ARID4B: variants seen among roughly 807,000 people sequenced by gnomAD.
The protein encoded by ARID4B is AT-rich interactive domain-containing protein 4B.
A neutral mutation model predicts 147.5 loss-of-function variants in ARID4B; 26 were observed. The ratio of observed to expected loss-of-function variants is 0.18; its 90% CI spans 0.13 to 0.24. The LOEUF is 0.24. ARID4B is among the 10% of genes least tolerant of loss of function. The pLI is 1.00. For missense variants in ARID4B, 1,179 were observed against 1,511.5 expected, an observed-to-expected ratio of 0.78 and a Z score of 3.65; for synonymous variants, 512 against 507.9, an observed-to-expected ratio of 1.01 and a Z score of -0.11.
chr1:235,201,150 A>T (rs1294388840), intron 17 of ARID4B, among the ~76,000 whole-genome samples: 7 of 152,274 alleles, frequency 4.6e-5, no homozygotes, highest in African/African-American at 1.7e-4. Context: ...GTCTCCAAAA[A>T]AAATAAAATA....
intron 6 of ARID4B, among the ~76,000 whole-genome samples, chr1:235,251,458 T>C (rs1450950858): frequency 6.6e-6 from 1 of 152,000 alleles, no homozygotes; most frequent in African/African-American, 2.4e-5. Flanking sequence ...ACTAAAGGGA[T>C]AGGCTGGAAT....
chr1:235,267,822 T>A (rs1670709790), intron 2 of ARID4B, among the ~76,000 whole-genome samples: 2 of 151,746 alleles, frequency 1.3e-5, no homozygotes, highest in Admixed American at 6.6e-5. Flanking sequence ...GAGAATGGCA[T>A]GAACCTGGGA....
Position 235,223,382 on chromosome 1 carries a change from T to C in ARID4B, c.971-122A>G, listed in dbSNP as rs12404169. 232 of 214,100 alleles carry C rather than the reference T, an allele frequency of 1.1e-3. 6 individuals carry two copies. Among genetic ancestry groups the C allele is most frequent in the African/African-American group, 4.8e-3 (183 of 38,224 alleles). 13.3% of individuals were successfully genotyped at this position (214,100 alleles called of 1,614,324 possible). On this transcript the variant is annotated intron_variant, in intron 12 of 23. Transcript: ENST00000264183. ...ATATATATACACGTATATATATATA[T>C]ACACGTATATATATGTGTGTGTATA... is the stretch of plus-strand genomic sequence containing the variant.
intron 8 of ARID4B, 54 bp downstream of exon 8, chr1:235,240,259 C>A: frequency 6.7e-7 from 1 of 1,490,126 alleles, no homozygotes; most frequent in South Asian, 1.3e-5. Context: ...AAATTGTTTT[C>A]TTCATAAACT....
chr1:235,228,966 T>C (rs925574104), intron 11 of ARID4B: 3 of 348,018 alleles, frequency 8.6e-6, no homozygotes, highest in African/African-American at 2.2e-5. Flanking sequence ...TTCTTAATCA[T>C]CTCATTAAAA....
chr1:235,314,242 TA>T (rs368910387), intron 2 of ARID4B, among the ~76,000 whole-genome samples: 8 of 151,114 alleles, frequency 5.3e-5, no homozygotes, highest in African/African-American at 1.9e-4. Context: ...TCAGCTTATT[TA>T]AAAAAAAACA....
intron 21 of ARID4B, chr1:235,177,052 A>G (rs1663937668): frequency 1.2e-5 from 5 of 424,366 alleles, no homozygotes; most frequent in Non-Finnish European, 1.9e-5. Context: ...TACTTAGCAA[A>G]AAGTATTGTT....
chr1:235,247,122 A>AT (rs1370961214), intron 6 of ARID4B, among the ~76,000 whole-genome samples: 1 of 152,042 alleles, frequency 6.6e-6, no homozygotes, highest in East Asian at 1.9e-4. Flanking sequence ...TTTTCTTAAG[A>AT]TTTTCCACAG....
At chr1:235,263,803 C>A (rs903249104) in intron 2 of ARID4B, among the ~76,000 whole-genome samples, 1 of 151,036 alleles carries the variant, frequency 6.6e-6, no homozygotes, top group Non-Finnish European at 1.5e-5. Flanking sequence ...CTGGCTAACA[C>A]GGTGAAACCC....
intron 6 of ARID4B, among the ~76,000 whole-genome samples, chr1:235,249,153 C>T (rs567510055): frequency 4.0e-5 from 6 of 151,378 alleles, no homozygotes; most frequent in Non-Finnish European, 5.9e-5. Context: ...GCCAACATGG[C>T]GAAACCCCAT....
chr1:235,284,762 C>T (rs1417984947), intron 2 of ARID4B, among the ~76,000 whole-genome samples: 2 of 152,140 alleles, frequency 1.3e-5, no homozygotes, highest in Non-Finnish European at 2.9e-5. Flanking sequence ...GACATGGTGG[C>T]TCATGCCTAT....
intron 8 of ARID4B, among the ~76,000 whole-genome samples, chr1:235,236,833 A>AAAAAATATATATATAT (rs1175189621): frequency 1.5e-4 from 5 of 33,518 alleles, no homozygotes; most frequent in Admixed American, 5.3e-4. Flanking sequence ...TTTTATAAAA[A>AAAAAATATATATATAT]ATATATATAT....
chr1:235,171,662 A>G (rs1229622980), intron 23 of ARID4B, among the ~76,000 whole-genome samples: 1 of 151,076 alleles, frequency 6.6e-6, no homozygotes, highest in African/African-American at 2.4e-5. Flanking sequence ...TTTTTGAGAC[A>G]GAGTTTAGCT....
At chr1:235,193,939 T>C (rs1352814964) in intron 19 of ARID4B, 74 bp downstream of exon 19, 6 of 1,166,962 alleles carry the variant, frequency 5.1e-6, no homozygotes, top group South Asian at 1.5e-5. Flanking sequence ...GTAATGTCAC[T>C]GAATTACCTT....
At chr1:235,313,699 C>T (rs927627767) in intron 2 of ARID4B, among the ~76,000 whole-genome samples, 1 of 152,132 alleles carries the variant, frequency 6.6e-6, no homozygotes, top group African/African-American at 2.4e-5. Context: ...TTACTTTTCC[C>T]TTACAAGGAA....
At chr1:235,282,299 C>T (rs1265455340) in intron 2 of ARID4B, among the ~76,000 whole-genome samples, 1 of 152,166 alleles carries the variant, frequency 6.6e-6, no homozygotes, top group African/African-American at 2.4e-5. Context: ...TTGAGAAATG[C>T]ATTGATTTTA....
intron 19 of ARID4B, among the ~76,000 whole-genome samples, chr1:235,190,893 T>C (rs1241615000): frequency 1.3e-5 from 2 of 152,216 alleles, no homozygotes; most frequent in Non-Finnish European, 1.5e-5. Context: ...CAGTCCAGAC[T>C]ACAGCAGTGT....
At chr1:235,237,595 G>C (rs932142113) in intron 8 of ARID4B, among the ~76,000 whole-genome samples, 17 of 152,152 alleles carry the variant, frequency 1.1e-4, no homozygotes, top group African/African-American at 2.7e-4. Context: ...GACATCACAA[G>C]TAGAAAACAG....
rs1558165935 is a variant in ARID4B, at chr1:235,173,794, ATATATATATATATATATATG to A, written c.3665-1050_3665-1031del. Among the ~76,000 whole-genome samples the A allele has an allele frequency of 7.3e-3, 571 of 78,430 alleles. 17 individuals carry two copies. The highest frequency in any genetic ancestry group is 0.011 in the South Asian group (21 of 1,846). The allele number at this position is 78,430 out of a possible 152,430, so 51.5% of individuals were successfully genotyped here. ...AAAATATATATATATATATATATAT[ATATATATATATATATATATG>A]TATACCTAAAACATATATATATATA... On this transcript the variant is annotated intron_variant, in intron 22 of 23. Coordinates refer to ENST00000264183, the MANE Select transcript of ARID4B (RefSeq NM_016374.6).
Sources: gnomAD v4.1 joint callset for allele counts (sites outside exome capture counted in the v4.1 genomes callset) on GRCh38, gnomAD v4.1.1 for gene constraint, MANE v1.5 for transcripts, NCBI Gene and HGNC (gene_info 2026-07-23, HGNC 2026-07-21) for gene names.